PKN3: variants seen among roughly 807,000 people sequenced by gnomAD.
PKN3 encodes the protein serine/threonine-protein kinase N3.
PKN3 carries 91 observed loss-of-function variants against 113.1 expected under a neutral mutation model. The ratio of observed to expected loss-of-function variants is 0.80; its 90% CI spans 0.68 to 0.96. The LOEUF (loss-of-function observed/expected upper bound fraction) is 0.96, where lower values mean the gene tolerates loss of function less well. Among genes scored for constraint, PKN3 ranks in the 40% least tolerant of loss-of-function variants. The pLI is 0.00. For missense variants in PKN3, 1,052 were observed against 1,202.2 expected (o/e 0.88, Z 1.85); for synonymous variants, 467 against 499.0 (o/e 0.94, Z 0.85).
In PKN3 at chr9:128,713,525, C is replaced by T. The variant is rs765504170; in HGVS notation, c.1119C>T (p.His373=). ...CCCGTGAGCTGGAGATTGGGGTACA[C>T]TGGCGGGACTGGCGGCAGCTATGTG... ...ERARELEIGV[H]WRDWRQLCGV... The change falls in exon 9 of 22, where the codon CAC becomes CAT. Residue 373 remains histidine (H), a synonymous_variant. Transcript: ENST00000291906. 2 of 1,613,822 alleles carry T rather than the reference C, an allele frequency of 1.2e-6. No individual in the cohort carries two copies. The highest frequency in any genetic ancestry group is 1.7e-5 in the Admixed American group (1 of 60,012).
chr9:128,707,274 C>A lies in PKN3; in HGVS notation c.704C>A (p.Ala235Asp). The stretch of plus-strand genomic sequence containing the variant: ...CAGAAACTGGACCTCCTGCGCCTGG[C>A]CTTGGAGCAGCTGCTGGAGCAACTG... ...SSQKLDLLRL[A>D]LEQLLEQLPP... Residue 235 changes from alanine to aspartate, a missense_variant, in exon 6 of 22, where the codon GCC (alanine) becomes GAC (aspartate). Transcript: ENST00000291906. The A allele has an allele frequency of 6.2e-7, 1 of 1,613,396 alleles. No individual in the cohort carries two copies.
intron 19 of PKN3, 31 bp from the exon 20 acceptor site, chr9:128,719,879 C>T (rs375302577): frequency 3.1e-6 from 5 of 1,610,078 alleles, no homozygotes; most frequent in East Asian, 2.2e-5. Context: ...TGGGGTGGCC[C>T]GTGCATCCTG....
chr9:128,704,295 C>T (rs1041937129), intron 1 of PKN3, among the ~76,000 whole-genome samples: 3 of 152,220 alleles, frequency 2.0e-5, no homozygotes, highest in African/African-American at 7.2e-5. Context: ...TCTACTTCCT[C>T]CCGGGAGCTG....
intron 3 of PKN3, 73 bp downstream of exon 3, chr9:128,705,952 G>A: frequency 3.5e-6 from 5 of 1,422,896 alleles, no homozygotes; most frequent in Non-Finnish European, 4.7e-6. Context: ...TCAGCCATTG[G>A]GCTCATAAGG....
chr9:128,703,806 C>T (rs1861925826), intron 1 of PKN3: 1 of 985,438 alleles, frequency 1.0e-6, no homozygotes, highest in Non-Finnish European at 1.2e-6. Flanking sequence ...TGCCCCCTCC[C>T]ACCCCCTTCC....
intron 18 of PKN3, 79 bp from the exon 19 acceptor site, chr9:128,719,607 G>A (rs1448424862): frequency 2.8e-6 from 4 of 1,409,550 alleles, no homozygotes; most frequent in Non-Finnish European, 2.9e-6. Context: ...TCAGCTCCCT[G>A]GCATCATAAG....
At chr9:128,708,693 A>G (rs4837295) in intron 6 of PKN3, among the ~76,000 whole-genome samples, 17,298 of 151,916 alleles carry the variant, frequency 0.11, 1,472 homozygotes, top group East Asian at 0.37. Flanking sequence ...AACAAAAAAA[A>G]TTAGCCGGGC....
intron 18 of PKN3, 112 bp downstream of exon 18, chr9:128,718,737 G>C: frequency 1.0e-6 from 1 of 990,242 alleles, no homozygotes; most frequent in Non-Finnish European, 1.6e-6. Flanking sequence ...CGGATGCCCT[G>C]GTTCCACCAC....
At chr9:128,718,274 C>T (rs755322557) in intron 16 of PKN3, 51 bp from the exon 17 acceptor site, 1 of 1,490,722 alleles carries the variant, frequency 6.7e-7, no homozygotes, top group Non-Finnish European at 9.4e-7. Flanking sequence ...CCCTGCCCTG[C>T]CTCCCTGGTG....
chr9:128,715,266 G>T lies in PKN3; in HGVS notation c.1716+31G>T. On this transcript the variant is annotated intron_variant, in intron 14 of 21. Coordinates refer to ENST00000291906, the MANE Select transcript of PKN3 (RefSeq NM_013355.5). This position sits in a 1 kb window ranked among gnomAD's most constrained non-coding sequence, Gnocchi z 4.1. ...GGGCTGAAGAGGGTGGTATGGGACGGGATTGGGGGCCTCATCACATGAGCC... is the reference window on the plus strand; with the variant it reads ...GGGCTGAAGAGGGTGGTATGGGACGTGATTGGGGGCCTCATCACATGAGCC... 2 of 1,611,986 alleles carry T rather than the reference G, an allele frequency of 1.2e-6. No individual in the cohort carries two copies. Among genetic ancestry groups the T allele is most frequent in the East Asian group, 4.5e-5 (2 of 44,848 alleles).
chr9:128,713,621 G>A lies in PKN3; in HGVS notation c.1215G>A (p.Pro405=), dbSNP rs1216461430. Residue 405 remains proline, a synonymous_variant, in exon 9 of 22, where the codon CCG becomes CCA. Transcript: ENST00000291906. Reference sequence around the variant, plus strand: ...ACCAACTGTCCCTCAGCCTGGTACCGCAGGGACTGCTTTTTGCCCAGGTGC... The same window carrying A: ...ACCAACTGTCCCTCAGCCTGGTACCACAGGGACTGCTTTTTGCCCAGGTGC... ...ACHQLSLSLV[P]QGLLFAQVTF... is the part of the protein sequence containing the mutation. 14 of 1,613,638 alleles carry A rather than the reference G, an allele frequency of 8.7e-6. No individual in the cohort carries two copies. The highest frequency in any genetic ancestry group is 1.2e-5 in the Non-Finnish European group (14 of 1,179,964).
chr9:128,719,796 G>C lies in PKN3; in HGVS notation c.2236G>C (p.Gly746Arg). ...ACGGGCTGTGGACTGGTGGGGGCTGGGTGTGCTGCTCTACGAGATGCTGGT... is the reference window on the plus strand; with the variant it reads ...ACGGGCTGTGGACTGGTGGGGGCTGCGTGTGCTGCTCTACGAGATGCTGGT... ...YTRAVDWWGL[G>R]VLLYEMLVGE... Residue 746 changes from glycine to arginine, a missense_variant, in exon 19 of 22, where the codon GGT (glycine) becomes CGT (arginine). Transcript: ENST00000291906. 1 of 1,608,234 alleles carries C rather than the reference G, an allele frequency of 6.2e-7. No homozygotes were observed. Among genetic ancestry groups the C allele is most frequent in the Non-Finnish European group, 8.5e-7 (1 of 1,176,458 alleles).
chr9:128,716,991 C>T (rs1862358847), intron 16 of PKN3, 68 bp downstream of exon 16: 4 of 1,347,008 alleles, frequency 3.0e-6, no homozygotes, highest in African/African-American at 2.9e-5. Flanking sequence ...CCACTCTCTA[C>T]ATACTGCTTT....
rs559802199 is a variant in PKN3, at chr9:128,715,307, G to A, written c.1717-62G>A. ...CACATGAGCCGGGAGGACCTGATCTGTGGGGGCGGTAAAGGCTCCCTGGTC... is the reference window on the plus strand; with the variant it reads ...CACATGAGCCGGGAGGACCTGATCTATGGGGGCGGTAAAGGCTCCCTGGTC... On this transcript the variant is annotated intron_variant, in intron 14 of 21. Coordinates refer to ENST00000291906, the MANE Select transcript of PKN3 (RefSeq NM_013355.5). This position sits in a 1 kb window ranked among gnomAD's most constrained non-coding sequence, Gnocchi z 4.1. 3.4e-5 allele frequency: 55 copies of A among 1,606,868 alleles called. No homozygotes were observed. The African/African-American group carries it at 5.7e-4, about 17-fold the overall frequency.
At chr9:128,717,015 A>G (rs1445418739) in intron 16 of PKN3, 92 bp downstream of exon 16, 4 of 1,043,078 alleles carry the variant, frequency 3.8e-6, no homozygotes, top group East Asian at 2.4e-5. Context: ...CAAGTGCCCA[A>G]CAGCAGGGGA....
chr9:128,714,393 A>G lies in PKN3; in HGVS notation c.1481+28A>G, dbSNP rs371186396. 2.8e-5 allele frequency: 44 copies of G among 1,581,058 alleles called. No individual in the cohort carries two copies. The East Asian group carries it at 4.9e-4, about 18-fold the overall frequency. ...GAGGAGCTCCCTTGCCCTAGACTGC[A>G]TGCTCCTCTGTGGCGGCTTCCTGAC... On this transcript the variant is annotated intron_variant, in intron 11 of 21. Transcript: ENST00000291906.
At chr9:128,704,832 C>T (rs746431994) in intron 1 of PKN3, among the ~76,000 whole-genome samples, 36 of 151,258 alleles carry the variant, frequency 2.4e-4, no homozygotes, top group Non-Finnish European at 4.3e-4. Context: ...GCAGGAGAAT[C>T]GCTTGAACCC....
At chr9:128,703,942 G>T (rs1861930376) in intron 1 of PKN3, 1 of 985,350 alleles carries the variant, frequency 1.0e-6, no homozygotes, top group Non-Finnish European at 1.2e-6. Context: ...AGCTCCATGG[G>T]ACCTTTGTTT....
chr9:128,706,584 T>C, intron 3 of PKN3, 129 bp from the exon 4 acceptor site: 2 of 689,444 alleles, frequency 2.9e-6, no homozygotes, highest in Non-Finnish European at 4.7e-6. Flanking sequence ...GAGGCTTGAC[T>C]TTAGTGTTTG....
Sources: gnomAD v4.1 joint callset for allele counts (sites outside exome capture counted in the v4.1 genomes callset) on GRCh38, gnomAD v4.1.1 for gene constraint, Gnocchi (gnomAD v3.1) non-coding constraint, MANE v1.5 for transcripts, NCBI Gene and HGNC (gene_info 2026-07-23, HGNC 2026-07-21) for gene names.